Variants in SFI1 observed in about 807,000 individuals in gnomAD.
SFI1 encodes SFI1 centrin binding protein, also known as protein SFI1 homolog.
In SFI1, 195 loss-of-function variants were observed where a neutral mutation model predicts 207.5. The ratio of observed to expected loss-of-function variants is 0.94; its 90% CI spans 0.84 to 1.06. The LOEUF (loss-of-function observed/expected upper bound fraction) is 1.06, where lower values mean the gene tolerates loss of function less well. Ranked by LOEUF, SFI1 falls within the 50% of genes least tolerant of loss-of-function variation. The probability of loss-of-function intolerance (pLI) is 0.00; values close to 1 mark genes in which losing one functional copy is unlikely to be tolerated. For missense variants in SFI1, 1,634 were observed against 1,588.0 expected (o/e 1.03, Z -0.49); for synonymous variants, 630 against 598.9 (o/e 1.05, Z -0.76).
rs1470801369 is a variant in SFI1 at position 31,613,597 on chromosome 22, T to G, written c.2743-5T>G. 1 of 1,579,556 alleles carries G rather than the reference T, an allele frequency of 6.3e-7. No individual in the cohort carries two copies. Among genetic ancestry groups the G allele is most frequent in the African/African-American group, 1.3e-5 (1 of 74,558 alleles). On this transcript the variant is annotated splice_region_variant and splice_polypyrimidine_tract_variant and intron_variant, in intron 26 of 32. Coordinates refer to ENST00000400288, the MANE Select transcript of SFI1 (RefSeq NM_001007467.3). ...GGCATGAGCTGACCAGAGGCTGTGT[T>G]GTAGGCGGCTCACAGTCTCCATCGT...
chr22:31,541,202 T>G (rs543476932), intron 4 of SFI1, among the ~76,000 whole-genome samples: 10 of 152,224 alleles, frequency 6.6e-5, no homozygotes, highest in African/African-American at 1.9e-4. Context: ...GCTGGGTGCT[T>G]CTTGTCTCCC....
intron 13 of SFI1, among the ~76,000 whole-genome samples, chr22:31,584,462 A>G (rs1392022164): frequency 6.6e-6 from 1 of 152,192 alleles, no homozygotes; most frequent in East Asian, 1.9e-4. Context: ...CCCCCTCCCT[A>G]CAAGTAAGAG....
At chr22:31,518,998 C>T (rs2056874569) in intron 2 of SFI1, among the ~76,000 whole-genome samples, 2 of 152,308 alleles carry the variant, frequency 1.3e-5, no homozygotes, top group South Asian at 4.1e-4. Context: ...TGATTTCTTC[C>T]AGACTATGCC....
intron 14 of SFI1, chr22:31,587,478 T>TG (rs2065184324): frequency 1.6e-5 from 1 of 60,708 alleles, no homozygotes; most frequent in African/African-American, 6.2e-5. Context: ...AATGTTTGTG[T>TG]TTTGTTTTTT....
intron 15 of SFI1, among the ~76,000 whole-genome samples, chr22:31,601,459 T>C (rs2146969809): frequency 6.6e-6 from 1 of 152,300 alleles, no homozygotes; most frequent in South Asian, 2.1e-4. Flanking sequence ...GAAATACTTG[T>C]TTAAAATACT....
rs749655924 is a variant in SFI1, at chr22:31,528,868, G to C, written c.266+5G>C. The C allele has an allele frequency of 6.2e-6, 10 of 1,608,516 alleles. No individual in the cohort carries two copies. In the South Asian group the frequency reaches 1.1e-4, roughly 18 times the overall value. ...GTTAAGAGAACTGCGCATCAGGTGA[G>C]CTTATGAGTGGCCACCAGTCTATGG... On this transcript the variant is annotated splice_donor_5th_base_variant and intron_variant, in intron 3 of 32. Transcript: ENST00000400288.
Position 31,556,951 on chromosome 22 carries a change from A to G in SFI1, c.554A>G (p.Gln185Arg), listed in dbSNP as rs186478033. The part of the protein sequence containing the change: ...YIRAEVHDAK[Q>R]KMRQAWKSWL... ...TCTTTGGTGAATCTAGATGCAAAGC[A>G]AAAGATGCGACAGGCCTGGAAGTCC... The change falls in exon 7 of 33, where the codon CAA becomes CGA. Residue 185 changes from glutamine to arginine, a missense_variant. By Grantham distance (43) the Gln-to-Arg change is conservative. Transcript: ENST00000400288. The G allele has an allele frequency of 1.1e-3, 1,830 of 1,600,768 alleles. 22 individuals are homozygous for G. The highest frequency in any genetic ancestry group is 9.8e-5 in the Non-Finnish European group (115 of 1,173,010).
intron 15 of SFI1, among the ~76,000 whole-genome samples, chr22:31,601,479 G>GA (rs1345504564): frequency 6.6e-6 from 1 of 152,004 alleles, no homozygotes; most frequent in Non-Finnish European, 1.5e-5. Flanking sequence ...TATTTCCTGG[G>GA]ACCCCCCCTC....
rs374121652 is a variant in SFI1 at position 31,614,777 on chromosome 22, G to A, written c.2997-12G>A. ...GTCAGCCCAGGGGAACAGACCCCAT[G>A]TTTCTTTCCAGCAACACTGCCCACT... On this transcript the variant is annotated splice_polypyrimidine_tract_variant and intron_variant, in intron 27 of 32. Transcript: ENST00000400288. 1 of 1,613,736 alleles carries A rather than the reference G, an allele frequency of 6.2e-7. No individual in the cohort carries two copies. Among genetic ancestry groups the A allele is most frequent in the East Asian group, 2.2e-5 (1 of 44,872 alleles).
At chr22:31,542,428 GC>G (rs2059641388) in intron 4 of SFI1, among the ~76,000 whole-genome samples, 1 of 151,680 alleles carries the variant, frequency 6.6e-6, no homozygotes, top group South Asian at 2.1e-4. Context: ...AGGAGTTCAA[GC>G]CCAGCCTGGC....
intron 11 of SFI1, chr22:31,580,004 T>G (rs1480099291): frequency 3.3e-6 from 1 of 301,276 alleles, no homozygotes; most frequent in Non-Finnish European, 6.2e-6. Flanking sequence ...TTTCCTGGTG[T>G]GGGTGTGTTT....
chr22:31,590,950 T>TA (rs2065779954), intron 15 of SFI1, among the ~76,000 whole-genome samples: 3 of 131,642 alleles, frequency 2.3e-5, no homozygotes, highest in East Asian at 2.3e-4. Flanking sequence ...AACTTTTTTC[T>TA]TTTTATTTAT....
chr22:31,525,755 T>TAGAC (rs1555958980), intron 2 of SFI1, among the ~76,000 whole-genome samples: 41 of 144,102 alleles, frequency 2.8e-4, no homozygotes, highest in African/African-American at 1.0e-3. Flanking sequence ...GATAGATAGA[T>TAGAC]AGATAGATAG....
At chr22:31,599,429 C>T (rs1762652469) in intron 15 of SFI1, among the ~76,000 whole-genome samples, 1 of 151,902 alleles carries the variant, frequency 6.6e-6, no homozygotes. Context: ...CAGGTTTAAG[C>T]GATTCTCCTG....
At chr22:31,590,979 A>ATTTATTTTT (rs1285119931) in intron 15 of SFI1, among the ~76,000 whole-genome samples, 2 of 142,130 alleles carry the variant, frequency 1.4e-5, no homozygotes, top group South Asian at 2.2e-4. Flanking sequence ...TTATTTATTT[A>ATTTATTTTT]TTTTTTTATT....
chr22:31,597,150 T>C (rs1252961092), intron 15 of SFI1, among the ~76,000 whole-genome samples: 1 of 152,222 alleles, frequency 6.6e-6, no homozygotes, highest in Non-Finnish European at 1.5e-5. Context: ...GGTTCTATTC[T>C]TTTTTTGTAT....
intron 3 of SFI1, among the ~76,000 whole-genome samples, chr22:31,529,311 G>T (rs751485545): frequency 6.6e-6 from 1 of 152,174 alleles, no homozygotes; most frequent in Admixed American, 6.6e-5. Context: ...ACTTTGGGAG[G>T]CCGAGGCAGG....
intron 2 of SFI1, among the ~76,000 whole-genome samples, chr22:31,513,263 A>G (rs746886062): frequency 6.6e-6 from 1 of 151,794 alleles, no homozygotes; most frequent in Admixed American, 6.6e-5. Context: ...GGATCAAGCA[A>G]TCTTCATGCC....
chr22:31,541,995 G>A (rs184201028), intron 4 of SFI1, among the ~76,000 whole-genome samples: 3 of 150,794 alleles, frequency 2.0e-5, no homozygotes, highest in East Asian at 2.0e-4. Context: ...CAGCTACTCC[G>A]GAGGCTGAGG....
Sources: gnomAD v4.1 joint callset for allele counts (sites outside exome capture counted in the v4.1 genomes callset) on GRCh38, gnomAD v4.1.1 for gene constraint, MANE v1.5 for transcripts, NCBI Gene and HGNC (gene_info 2026-07-23, HGNC 2026-07-21) for gene names.